ACSL6: variants seen among roughly 807,000 people sequenced by gnomAD.
The protein encoded by ACSL6 is acyl-CoA synthetase long chain family member 6.
A neutral mutation model predicts 98.2 loss-of-function variants in ACSL6; 47 were observed. That is an observed-to-expected ratio of 0.48 (90% CI 0.38 to 0.61). The LOEUF (loss-of-function observed/expected upper bound fraction) is 0.61. ACSL6 is among the 20% of genes least tolerant of loss of function. The pLI is 0.00. For synonymous variants in ACSL6, 362 were observed against 336.9 expected, an observed-to-expected ratio of 1.07 and a Z score of -0.82; for missense variants, 761 against 913.4, an observed-to-expected ratio of 0.83 and a Z score of 2.15.
intron 17 of ACSL6, among the ~76,000 whole-genome samples, chr5:131,964,045 A>G (rs563057506): frequency 6.6e-6 from 1 of 152,346 alleles, no homozygotes; most frequent in African/African-American, 2.4e-5. Context: ...TGATTTCAAA[A>G]TAACGTTTTT....
At chr5:132,010,268 T>G (rs1009593612) in intron 1 of ACSL6, among the ~76,000 whole-genome samples, 2 of 152,146 alleles carry the variant, frequency 1.3e-5, no homozygotes, top group Non-Finnish European at 2.9e-5. Flanking sequence ...GTGAAGGAAG[T>G]GATTACTAGG....
At chr5:131,980,530 G>A (rs1580660982) in intron 9 of ACSL6, among the ~76,000 whole-genome samples, 1 of 152,128 alleles carries the variant, frequency 6.6e-6, no homozygotes, top group African/African-American at 2.4e-5. Context: ...CACAGTTCTG[G>A]GGATGATGGG....
chr5:131,998,299 C>A (rs1380632329), intron 1 of ACSL6, among the ~76,000 whole-genome samples: 1 of 152,206 alleles, frequency 6.6e-6, no homozygotes, highest in East Asian at 1.9e-4. Context: ...CAGGCATGAA[C>A]AAGCCACCTA....
intron 4 of ACSL6, among the ~76,000 whole-genome samples, 195 bp downstream of exon 4, chr5:131,989,905 A>G (rs1043351343): frequency 7.2e-5 from 11 of 152,176 alleles, no homozygotes; most frequent in African/African-American, 2.7e-4. Context: ...GGATTCTTAT[A>G]GATCTGAGGG....
In ACSL6 at chr5:131,954,038, T is replaced by G; in HGVS notation, c.*196A>C. ...TTTTTAGCAGTCCACCACAATATCA[T>G]TTTTATAATAAAAATAAAATATACT... On this transcript the variant is annotated 3_prime_UTR_variant, in exon 21 of 21. Transcript: ENST00000651883. 2.4e-6 allele frequency: 1 copy of G among 413,944 alleles called. No individual in the cohort carries two copies. The highest frequency in any genetic ancestry group is 4.0e-6 in the Non-Finnish European group (1 of 248,340). 25.6% of individuals were successfully genotyped at this position (413,944 alleles called of 1,614,324 possible). A position where few individuals can be genotyped will look rare whatever the true frequency, so the allele number is the denominator to read the frequency against.
Position 131,990,112 on chromosome 5 carries a change from C to A in ACSL6, c.438G>T (p.Leu146=). Residue 146 remains leucine (L), a synonymous_variant, in exon 4 of 21, where the codon CTG becomes CTT. Transcript: ENST00000651883. ...FRKPKQPYQW[L]SYQEVADRAE... is the part of the protein sequence containing the mutation. Reference sequence around the variant, plus strand: ...CTGTATCACTCACCTCCTGGTAGGACAGCCACTGGTAAGGCTGCTTAGGCT... The same window carrying A: ...CTGTATCACTCACCTCCTGGTAGGAAAGCCACTGGTAAGGCTGCTTAGGCT... The A allele has an allele frequency of 6.2e-7, 1 of 1,613,914 alleles. No homozygotes were observed. Among genetic ancestry groups the A allele is most frequent in the Non-Finnish European group, 8.5e-7 (1 of 1,179,978 alleles).
intron 9 of ACSL6, among the ~76,000 whole-genome samples, chr5:131,979,926 G>A (rs1475907604): frequency 6.6e-6 from 1 of 152,222 alleles, no homozygotes. Context: ...CCAAGTGTTA[G>A]ATTCTGCCAA....
chr5:131,961,830 C>T (rs936942542), intron 18 of ACSL6, among the ~76,000 whole-genome samples: 75 of 152,114 alleles, frequency 4.9e-4, no homozygotes, highest in African/African-American at 1.7e-3. Context: ...ACCATTAGTA[C>T]ATTTTTTTGC....
At chr5:131,977,559 G>C (rs1753683738) in intron 9 of ACSL6, among the ~76,000 whole-genome samples, 1 of 152,160 alleles carries the variant, frequency 6.6e-6, no homozygotes, top group Non-Finnish European at 1.5e-5. Flanking sequence ...TGTAAGATGG[G>C]GAGAGTAATG....
chr5:131,998,402 G>A (rs956722719), intron 1 of ACSL6, among the ~76,000 whole-genome samples: 7 of 152,164 alleles, frequency 4.6e-5, no homozygotes, highest in African/African-American at 1.4e-4. Flanking sequence ...GGTAGCTAAG[G>A]CTAAGGAAAC....
intron 1 of ACSL6, among the ~76,000 whole-genome samples, chr5:132,008,347 T>C (rs1327714504): frequency 1.3e-4 from 20 of 152,204 alleles, no homozygotes; most frequent in Non-Finnish European, 1.5e-5. Flanking sequence ...GCCCTAGGCA[T>C]CTATAGCCAG....
chr5:132,004,453 C>A (rs569519338), intron 1 of ACSL6, among the ~76,000 whole-genome samples: 3 of 152,234 alleles, frequency 2.0e-5, no homozygotes, highest in East Asian at 1.9e-4. Flanking sequence ...GATTTTGAAC[C>A]AACAGGTGGG....
At chr5:131,985,571 G>C (rs2126878596) in intron 8 of ACSL6, 113 bp from the exon 9 acceptor site, 1 of 1,142,608 alleles carries the variant, frequency 8.8e-7, no homozygotes, top group Non-Finnish European at 1.3e-6. Context: ...ATGTGGGTGT[G>C]AGCATGTGTT....
chr5:131,972,859 C>A lies in ACSL6; in HGVS notation c.1204-1G>T. ...ATGGTGTGTTTGCCTGGCTGAAGAT[C>A]TGAGGAACATAAGTTGGAAGCAGCT... is the stretch of plus-strand genomic sequence containing the variant. On this transcript the variant is annotated splice_acceptor_variant, in intron 12 of 20. Coordinates refer to ENST00000651883, the MANE Select transcript of ACSL6 (RefSeq NM_001009185.3). LOFTEE classifies it high-confidence loss of function. The A allele has an allele frequency of 3.7e-6, 6 of 1,614,058 alleles. No individual in the cohort carries two copies. The highest frequency in any genetic ancestry group is 5.1e-6 in the Non-Finnish European group (6 of 1,179,986).
At chr5:131,973,680 C>T in intron 11 of ACSL6, 1 of 296,580 alleles carries the variant, frequency 3.4e-6, no homozygotes, top group Non-Finnish European at 6.3e-6. Flanking sequence ...TGGCGTGTGC[C>T]CCCCTCACCT....
At chr5:131,999,585 A>G (rs1211523372) in intron 1 of ACSL6, 1 of 152,286 alleles carries the variant, frequency 6.6e-6, no homozygotes, top group African/African-American at 2.4e-5. Flanking sequence ...AGTCGATGGC[A>G]ACAGCCGCCT....
At chr5:131,966,368 C>G (rs1223502733) in intron 17 of ACSL6, 48 bp downstream of exon 17, 1 of 1,580,862 alleles carries the variant, frequency 6.3e-7, no homozygotes, top group Non-Finnish European at 8.7e-7. Context: ...GACCACACAC[C>G]CTCCCACTGC....
chr5:131,988,707 C>T, intron 6 of ACSL6, 98 bp downstream of exon 6: 1 of 1,566,078 alleles, frequency 6.4e-7, no homozygotes. Flanking sequence ...AGCAAAGTGC[C>T]TCTTACGAGT....
At position 131,971,530 on chromosome 5, in the gene ACSL6, A is replaced by T. The variant is rs570623305; in HGVS notation, c.1434+20T>A. On this transcript the variant is annotated intron_variant, in intron 14 of 20. Coordinates refer to ENST00000651883, the MANE Select transcript of ACSL6 (RefSeq NM_001009185.3). Reference sequence around the variant, plus strand: ...ACGAACTTCCTGCTGTTTCCAAGGGAGGACACACAATGACAATACCTGGCA... The same window carrying T: ...ACGAACTTCCTGCTGTTTCCAAGGGTGGACACACAATGACAATACCTGGCA... 2 of 1,580,466 alleles carry T rather than the reference A, an allele frequency of 1.3e-6. No homozygotes were observed. Among genetic ancestry groups the T allele is most frequent in the South Asian group, 2.4e-5 (2 of 84,840 alleles).
Sources: allele counts gnomAD v4.1 joint callset (sites outside exome capture counted in the v4.1 genomes callset), GRCh38; gene constraint gnomAD v4.1.1; transcripts MANE v1.5; gene names NCBI Gene and HGNC (gene_info 2026-07-23, HGNC 2026-07-21).